The following SLC6A11 variants were observed in gnomAD, a reference collection of about 807,000 sequenced individuals.
The protein encoded by SLC6A11 is solute carrier family 6 member 11.
Under a neutral mutation model 74.8 loss-of-function variants are expected in SLC6A11, and 25 were observed. The observed-to-expected ratio is 0.33, with a 90% CI of 0.24 to 0.47. SLC6A11 has a LOEUF of 0.47. Among genes scored for constraint, SLC6A11 ranks in the 20% least tolerant of loss-of-function variants. The pLI is 1.00. For synonymous variants in SLC6A11, 330 were observed against 330.2 expected (o/e 1.00, Z 0.01); for missense variants, 574 against 837.0 (o/e 0.69, Z 3.88).
chr3:10,868,096 T>C (rs115258811), intron 5 of SLC6A11, among the ~76,000 whole-genome samples: 1 of 152,196 alleles, frequency 6.6e-6, no homozygotes, highest in Non-Finnish European at 1.5e-5. Flanking sequence ...GAAGATGCTA[T>C]GAATGATTGA....
chr3:10,929,398 C>T, intron 10 of SLC6A11, 59 bp downstream of exon 10: 1 of 1,583,986 alleles, frequency 6.3e-7, no homozygotes, highest in Middle Eastern at 1.7e-4. Flanking sequence ...CAACTCCCAG[C>T]TCTAAAAGTG....
chr3:10,852,727 C>G (rs1012841659), intron 5 of SLC6A11, among the ~76,000 whole-genome samples: 3 of 152,236 alleles, frequency 2.0e-5, no homozygotes, highest in African/African-American at 7.2e-5. Context: ...AAGCCACCCT[C>G]CTGTTTGGCA....
chr3:10,821,121 G>C (rs927171208), intron 3 of SLC6A11, among the ~76,000 whole-genome samples: 3 of 152,010 alleles, frequency 2.0e-5, no homozygotes, highest in Non-Finnish European at 4.4e-5. Flanking sequence ...ACCTCCCTTT[G>C]GCCAGGGAAC....
At chr3:10,827,425 C>G (rs1694225775) in intron 4 of SLC6A11, among the ~76,000 whole-genome samples, 1 of 152,114 alleles carries the variant, frequency 6.6e-6, no homozygotes, top group Non-Finnish European at 1.5e-5. Flanking sequence ...CAGAGCATAC[C>G]TAATTCCATT....
At chr3:10,910,302 G>A (rs1695369562) in intron 6 of SLC6A11, among the ~76,000 whole-genome samples, 2 of 152,210 alleles carry the variant, frequency 1.3e-5, no homozygotes, top group South Asian at 4.2e-4. Flanking sequence ...ATCCAGTTCT[G>A]AAGAGGGAGG....
At chr3:10,833,822 A>G (rs955105805) in intron 4 of SLC6A11, among the ~76,000 whole-genome samples, 4 of 152,244 alleles carry the variant, frequency 2.6e-5, no homozygotes, top group African/African-American at 9.6e-5. Context: ...TGATCATTAC[A>G]GTAAACATAT....
At chr3:10,907,712 G>A (rs1330112911) in intron 6 of SLC6A11, among the ~76,000 whole-genome samples, 3 of 152,170 alleles carry the variant, frequency 2.0e-5, no homozygotes, top group African/African-American at 7.2e-5. Context: ...AGGCAACTAA[G>A]CAATATATTC....
rs1046831485 is a variant in SLC6A11 at position 10,938,472 on chromosome 3, C to T, written c.*70C>T. The T allele has an allele frequency of 7.6e-6, 11 of 1,456,094 alleles. No individual in the cohort carries two copies. The Admixed American group carries it at 8.5e-5, about 11-fold the overall frequency. 90.2% of individuals were successfully genotyped at this position (1,456,094 alleles called of 1,614,324 possible). A position where few individuals can be genotyped will look rare whatever the true frequency, so the allele number is the denominator to read the frequency against. ...TGTATGTAAATGAATTCCTGAACCCCATACTTCACCTAATGGTAGGGGCTT... is the reference window on the plus strand; with the variant it reads ...TGTATGTAAATGAATTCCTGAACCCTATACTTCACCTAATGGTAGGGGCTT... On this transcript the variant is annotated 3_prime_UTR_variant, in exon 14 of 14. Transcript: ENST00000254488.
intron 8 of SLC6A11, among the ~76,000 whole-genome samples, chr3:10,920,651 TGCAGAC>T (rs1695525258): frequency 6.6e-6 from 1 of 152,234 alleles, no homozygotes; most frequent in Non-Finnish European, 1.5e-5. Context: ...CTCGTGGCTG[TGCAGAC>T]TATGCCCTGC....
At chr3:10,820,400 G>C (rs976132298) in intron 3 of SLC6A11, among the ~76,000 whole-genome samples, 3 of 152,106 alleles carry the variant, frequency 2.0e-5, no homozygotes, top group African/African-American at 7.2e-5. Flanking sequence ...AAACTTAAAC[G>C]ATCTGGTGAC....
chr3:10,854,657 G>A (rs765958773), intron 5 of SLC6A11, among the ~76,000 whole-genome samples: 1 of 152,096 alleles, frequency 6.6e-6, no homozygotes, highest in Non-Finnish European at 1.5e-5. Flanking sequence ...GAAGCCATTC[G>A]AGGTCTCAGA....
At chr3:10,884,842 A>G (rs1284695981) in intron 6 of SLC6A11, among the ~76,000 whole-genome samples, 1 of 151,918 alleles carries the variant, frequency 6.6e-6, no homozygotes, top group Non-Finnish European at 1.5e-5. Context: ...ACAACGTTCT[A>G]CTCACCTGGT....
At chr3:10,917,685 C>G (rs3774082) in intron 7 of SLC6A11, among the ~76,000 whole-genome samples, 4 of 152,148 alleles carry the variant, frequency 2.6e-5, no homozygotes, top group East Asian at 3.9e-4. Context: ...GCTGGTGAGT[C>G]CCCCCGCTCC....
chr3:10,837,100 G>A (rs1233264739), intron 4 of SLC6A11, among the ~76,000 whole-genome samples: 1 of 152,170 alleles, frequency 6.6e-6, no homozygotes, highest in East Asian at 1.9e-4. Context: ...CTGGGGTTGG[G>A]GTGGGGACCA....
At chr3:10,858,946 G>C (rs2106593300) in intron 5 of SLC6A11, among the ~76,000 whole-genome samples, 1 of 152,322 alleles carries the variant, frequency 6.6e-6, no homozygotes, top group East Asian at 1.9e-4. Flanking sequence ...TTTATGCCCA[G>C]AATGGGCAGC....
At chr3:10,888,994 T>C (rs1373197838) in intron 6 of SLC6A11, among the ~76,000 whole-genome samples, 1 of 152,168 alleles carries the variant, frequency 6.6e-6, no homozygotes, top group Non-Finnish European at 1.5e-5. Flanking sequence ...TAAGACACAT[T>C]TCCTGTTTTC....
intron 5 of SLC6A11, among the ~76,000 whole-genome samples, chr3:10,873,431 T>TATGGC (rs1559566698): frequency 6.6e-6 from 1 of 150,630 alleles, no homozygotes; most frequent in African/African-American, 2.4e-5. Context: ...TATCCTATCC[T>TATGGC]ATCCTATCCT....
intron 5 of SLC6A11, among the ~76,000 whole-genome samples, chr3:10,855,179 CAATT>C (rs1273851406): frequency 6.6e-6 from 1 of 152,150 alleles, no homozygotes; most frequent in African/African-American, 2.4e-5. Context: ...ACACAGGTGA[CAATT>C]AGCTAAGTAA....
intron 6 of SLC6A11, among the ~76,000 whole-genome samples, chr3:10,887,093 A>G (rs912678949): frequency 1.4e-5 from 2 of 147,552 alleles, no homozygotes; most frequent in Non-Finnish European, 3.0e-5. Flanking sequence ...GGGCAGACAG[A>G]CGGATGGATG....
Sources: allele counts gnomAD v4.1 joint callset (sites outside exome capture counted in the v4.1 genomes callset), GRCh38; gene constraint gnomAD v4.1.1; transcripts MANE v1.5; gene names NCBI Gene and HGNC (gene_info 2026-07-23, HGNC 2026-07-21).